PLCB4: variants seen among roughly 807,000 people sequenced by gnomAD.
The protein encoded by PLCB4 is phospholipase C beta 4.
PLCB4 carries 77 observed loss-of-function variants against 178.8 expected under a neutral mutation model. The observed-to-expected ratio is 0.43, with a 90% confidence interval of 0.36 to 0.52. The LOEUF (loss-of-function observed/expected upper bound fraction) is 0.52. PLCB4 is among the 20% of genes least tolerant of loss of function. PLCB4 has a pLI of 0.00. For missense variants in PLCB4, 1,024 were observed against 1,453.4 expected (o/e 0.70, Z 4.80); for synonymous variants, 496 against 490.8 (o/e 1.01, Z -0.14).
chr20:9,368,538 C>A (rs1013147130), intron 9 of PLCB4, among the ~76,000 whole-genome samples: 1 of 152,144 alleles, frequency 6.6e-6, no homozygotes. Flanking sequence ...GGCTGAGAGC[C>A]GCAGGTGCCG....
At chr20:9,371,559 C>CTCT (rs2036256244) in intron 10 of PLCB4, among the ~76,000 whole-genome samples, 1 of 151,998 alleles carries the variant, frequency 6.6e-6, no homozygotes, top group Admixed American at 6.6e-5. Context: ...TAGTTTGCTT[C>CTCT]AAATGATTTT....
At chr20:9,463,333 C>T (rs1018480729) in intron 35 of PLCB4, among the ~76,000 whole-genome samples, 7 of 152,138 alleles carry the variant, frequency 4.6e-5, no homozygotes, top group East Asian at 3.9e-4. Context: ...TAAAGACCAA[C>T]GAGGCTAGGA....
chr20:9,106,591 C>T lies in PLCB4; in HGVS notation c.-79+10249C>T, dbSNP rs116267221. On this transcript the variant is annotated intron_variant, in intron 2 of 39. Transcript: ENST00000378473. The stretch of plus-strand genomic sequence containing the variant: ...GTTCATCAGACATAAAATTAACTCT[C>T]TCAAAGTGCGTTAAATATTTCTAAA... Among the ~76,000 whole-genome samples the T allele has an allele frequency of 5.5e-3, 839 of 152,066 alleles. 9 individuals carry two copies. The highest frequency in any genetic ancestry group is 0.019 in the African/African-American group (804 of 41,538).
At chr20:9,342,519 T>C (rs531660858) in intron 7 of PLCB4, among the ~76,000 whole-genome samples, 1 of 152,346 alleles carries the variant, frequency 6.6e-6, no homozygotes, top group South Asian at 2.1e-4. Flanking sequence ...AATCATTTTT[T>C]AAAATTAATT....
chr20:9,351,474 A>G (rs1383838457), intron 7 of PLCB4, among the ~76,000 whole-genome samples: 1 of 152,202 alleles, frequency 6.6e-6, no homozygotes, highest in Admixed American at 6.5e-5. Context: ...TTCTAGAAGT[A>G]TCAAAACAAT....
chr20:9,307,694 C>A, intron 3 of PLCB4, 106 bp from the exon 4 acceptor site: 1 of 504,128 alleles, frequency 2.0e-6, no homozygotes, highest in Non-Finnish European at 3.5e-6. Flanking sequence ...ACGTATTCCA[C>A]ATATTTAAAG....
chr20:9,478,353 G>C (rs1349640402), intron 39 of PLCB4, among the ~76,000 whole-genome samples: 2 of 152,118 alleles, frequency 1.3e-5, no homozygotes, highest in African/African-American at 4.8e-5. Flanking sequence ...CTGAAAGCCT[G>C]CATGTTCCTG....
chr20:9,098,698 T>C (rs1461294548), intron 2 of PLCB4, among the ~76,000 whole-genome samples: 1 of 148,176 alleles, frequency 6.7e-6, no homozygotes, highest in Non-Finnish European at 1.5e-5. Flanking sequence ...CGTATATATG[T>C]ACATATATAC....
chr20:9,401,794 G>C (rs564444930), intron 20 of PLCB4, among the ~76,000 whole-genome samples: 16 of 152,254 alleles, frequency 1.1e-4, no homozygotes, highest in Non-Finnish European at 1.6e-4. Flanking sequence ...TCATTAGTCA[G>C]GGCCAGTGTT....
At chr20:9,337,934 T>C in intron 5 of PLCB4, 74 bp from the exon 6 acceptor site, 2 of 1,065,962 alleles carry the variant, frequency 1.9e-6, no homozygotes, top group Non-Finnish European at 2.9e-6. Flanking sequence ...CAGAAATTTT[T>C]GCCAAGCAGT....
chr20:9,391,078 G>T lies in PLCB4; in HGVS notation c.1323+463G>T, dbSNP rs140097904. Among the ~76,000 whole-genome samples, 56 of 152,240 alleles carry T rather than the reference G, an allele frequency of 3.7e-4. No individual in the cohort carries two copies. In the East Asian group the frequency reaches 0.01, roughly 28 times the overall value. ...AGAACCCATGGGAGGCTCATGCTGT[G>T]GAAAGTGCCCTGGATTGATGTCACG... On this transcript the variant is annotated intron_variant, in intron 17 of 39. Transcript: ENST00000378473.
At chr20:9,232,516 T>C (rs2093944255) in intron 3 of PLCB4, among the ~76,000 whole-genome samples, 1 of 152,114 alleles carries the variant, frequency 6.6e-6, no homozygotes. Context: ...TCATATTATA[T>C]ACCTGGCTCC....
intron 2 of PLCB4, among the ~76,000 whole-genome samples, chr20:9,169,775 T>C (rs1420335686): frequency 1.3e-5 from 2 of 152,090 alleles, no homozygotes; most frequent in South Asian, 2.1e-4. Flanking sequence ...TTCAAACATA[T>C]AGTAATTTGA....
intron 2 of PLCB4, among the ~76,000 whole-genome samples, chr20:9,116,932 T>C (rs1466986126): frequency 6.6e-6 from 1 of 152,172 alleles, no homozygotes; most frequent in African/African-American, 2.4e-5. Context: ...TCTGCATGCC[T>C]TAGAGTTTTT....
At chr20:9,428,381 T>C (rs1305708779) in intron 28 of PLCB4, among the ~76,000 whole-genome samples, 1 of 152,180 alleles carries the variant, frequency 6.6e-6, no homozygotes, top group Admixed American at 6.6e-5. Flanking sequence ...GGATGGATTA[T>C]GGTAAAATAC....
chr20:9,082,816 G>A (rs1374161607), intron 1 of PLCB4, among the ~76,000 whole-genome samples: 2 of 152,142 alleles, frequency 1.3e-5, no homozygotes, highest in Non-Finnish European at 2.9e-5. Flanking sequence ...TCTGCCATAA[G>A]TAGCATAGAG....
At chr20:9,466,231 T>C (rs987551676) in intron 35 of PLCB4, among the ~76,000 whole-genome samples, 5 of 152,200 alleles carry the variant, frequency 3.3e-5, no homozygotes, top group Admixed American at 3.3e-4. Context: ...TGTCTAACCA[T>C]ATGTAGAAAG....
At chr20:9,196,435 A>G (rs1029264499) in intron 2 of PLCB4, among the ~76,000 whole-genome samples, 4 of 152,178 alleles carry the variant, frequency 2.6e-5, no homozygotes, top group African/African-American at 9.7e-5. Context: ...TTGATGAAGG[A>G]AAGTTATTCC....
At chr20:9,211,492 T>A (rs545589117) in intron 2 of PLCB4, among the ~76,000 whole-genome samples, 1 of 152,218 alleles carries the variant, frequency 6.6e-6, no homozygotes, top group Non-Finnish European at 1.5e-5. Flanking sequence ...CCAGATATGC[T>A]GGTGATTTGT....
Sources: gnomAD v4.1 joint callset for allele counts (sites outside exome capture counted in the v4.1 genomes callset) on GRCh38, gnomAD v4.1.1 for gene constraint, MANE v1.5 for transcripts, NCBI Gene and HGNC (gene_info 2026-07-23, HGNC 2026-07-21) for gene names.